The following CLOCK variants were observed in gnomAD, a reference collection of about 807,000 sequenced individuals.
CLOCK encodes the protein clock circadian regulator.
In CLOCK, 43 loss-of-function variants were observed where a neutral mutation model predicts 118.4. That is an observed-to-expected ratio of 0.36 (90% CI 0.28 to 0.47). The LOEUF is 0.47. Ranked by LOEUF, CLOCK falls within the 20% of genes least tolerant of loss-of-function variation. The probability of loss-of-function intolerance (pLI) is 1.00; values close to 1 mark genes in which losing one functional copy is unlikely to be tolerated. For missense variants in CLOCK, 846 were observed against 999.9 expected, an observed-to-expected ratio of 0.85 and a Z score of 2.08; for synonymous variants, 326 against 339.2, an observed-to-expected ratio of 0.96 and a Z score of 0.43.
chr4:55,484,725 A>C (rs995037574), intron 3 of CLOCK, among the ~76,000 whole-genome samples: 6 of 152,184 alleles, frequency 3.9e-5, no homozygotes, highest in African/African-American at 1.4e-4. Flanking sequence ...TTAATTATCA[A>C]AAGGTAGAAA....
Position 55,430,347 on chromosome 4 carries a change from A to G in CLOCK, c.*5068T>C, listed in dbSNP as rs753758944. The G allele has an allele frequency of 4.6e-5, 7 of 152,226 alleles. No individual in the cohort carries two copies. Among genetic ancestry groups the G allele is most frequent in the African/African-American group, 1.7e-4 (7 of 41,454 alleles). 9.4% of individuals were successfully genotyped at this position (152,226 alleles called of 1,614,324 possible). A position where few individuals can be genotyped will look rare whatever the true frequency, so the allele number is the denominator to read the frequency against. ...TAAACACTCACAACAAAACCTGCAG[A>G]GTATTTTATTTAAGAAAAACAAGGA... is the stretch of plus-strand genomic sequence containing the variant. On this transcript the variant is annotated 3_prime_UTR_variant, in exon 23 of 23. Coordinates refer to ENST00000513440, the MANE Select transcript of CLOCK (RefSeq NM_004898.4).
At chr4:55,505,963 A>ACCT (rs1728770519) in intron 2 of CLOCK, among the ~76,000 whole-genome samples, 1 of 151,882 alleles carries the variant, frequency 6.6e-6, no homozygotes, top group Non-Finnish European at 1.5e-5. Flanking sequence ...CTTCAACTAT[A>ACCT]CCTCCTAACA....
At chr4:55,496,633 T>C (rs953273880) in intron 2 of CLOCK, among the ~76,000 whole-genome samples, 1 of 152,196 alleles carries the variant, frequency 6.6e-6, no homozygotes, top group African/African-American at 2.4e-5. Context: ...ACACATATAA[T>C]GCAAATAATG....
At chr4:55,504,646 A>G (rs1728683077) in intron 2 of CLOCK, among the ~76,000 whole-genome samples, 1 of 152,212 alleles carries the variant, frequency 6.6e-6, no homozygotes, top group Admixed American at 6.5e-5. Flanking sequence ...CAGGATCAAT[A>G]AAAACTTAGT....
intron 2 of CLOCK, among the ~76,000 whole-genome samples, chr4:55,498,603 C>CTTAGTATTA (rs1553899408): frequency 3.3e-4 from 49 of 148,684 alleles, no homozygotes; most frequent in African/African-American, 1.2e-3. Context: ...TATCTAGTTC[C>CTTAGTATTA]TTATTATTAT....
chr4:55,456,091 T>C, intron 12 of CLOCK, 88 bp from the exon 13 acceptor site: 1 of 1,227,578 alleles, frequency 8.1e-7, no homozygotes, highest in Non-Finnish European at 1.2e-6. Context: ...GGGGGGGCTT[T>C]ATTTTTCAAA....
At chr4:55,517,026 G>A (rs186045429) in intron 1 of CLOCK, among the ~76,000 whole-genome samples, 145 of 152,012 alleles carry the variant, frequency 9.5e-4, no homozygotes, top group Admixed American at 5.0e-3. Context: ...TTACATAAGC[G>A]CATACATACA....
chr4:55,513,427 CCT>C (rs1176991246), intron 1 of CLOCK, among the ~76,000 whole-genome samples: 2 of 152,114 alleles, frequency 1.3e-5, no homozygotes, highest in Non-Finnish European at 2.9e-5. Flanking sequence ...AGAATGTATC[CCT>C]GTCATTAAGT....
rs1167070721 is a variant in CLOCK at position 55,450,727 on chromosome 4, CCA to C, written c.1207-497_1207-496del. ...GAGGATGTAGTGAGCCGAGATCCTGCCACTGCATTCCAGCCTGGGCAAAAGAG... is the reference window on the plus strand; with the variant it reads ...GAGGATGTAGTGAGCCGAGATCCTGCCTGCATTCCAGCCTGGGCAAAAGAG... On this transcript the variant is annotated intron_variant, in intron 15 of 22. Coordinates refer to ENST00000513440, the MANE Select transcript of CLOCK (RefSeq NM_004898.4). Among the ~76,000 whole-genome samples the C allele has an allele frequency of 5.3e-5, 8 of 151,954 alleles. No individual in the cohort carries two copies. The South Asian group carries it at 1.7e-3, about 32-fold the overall frequency.
At position 55,438,538 on chromosome 4, in the gene CLOCK, C is replaced by A; in HGVS notation, c.2106-1G>T. On this transcript the variant is annotated splice_acceptor_variant, in intron 21 of 22. Transcript: ENST00000513440. LOFTEE classifies it high-confidence loss of function. ...CACAAGTTGTTGACCTTGAGAAAAT[C>A]TGTTAGAAGAAAGAAGGAAAAAAAT... 1 of 1,613,122 alleles carries A rather than the reference C, an allele frequency of 6.2e-7. No homozygotes were observed. The highest frequency in any genetic ancestry group is 8.5e-7 in the Non-Finnish European group (1 of 1,179,964).
At chr4:55,482,908 T>C in intron 3 of CLOCK, 80 bp from the exon 4 acceptor site, 1 of 655,840 alleles carries the variant, frequency 1.5e-6, no homozygotes, top group South Asian at 2.1e-5. Flanking sequence ...AAATACTATA[T>C]GTTATCACAG....
intron 6 of CLOCK, among the ~76,000 whole-genome samples, chr4:55,478,396 C>G (rs1188414774): frequency 2.0e-5 from 3 of 152,098 alleles, no homozygotes; most frequent in Non-Finnish European, 2.9e-5. Flanking sequence ...GTCTCCCTGC[C>G]TCTCTGCTTT....
chr4:55,506,562 T>C (rs1298567394), intron 2 of CLOCK, among the ~76,000 whole-genome samples: 18 of 152,058 alleles, frequency 1.2e-4, no homozygotes, highest in Non-Finnish European at 2.6e-4. Flanking sequence ...ATTTATTTTA[T>C]TTTATATTTT....
intron 1 of CLOCK, among the ~76,000 whole-genome samples, chr4:55,532,799 A>G (rs535796644): frequency 6.6e-6 from 1 of 152,122 alleles, no homozygotes; most frequent in Admixed American, 6.6e-5. Context: ...GTGAGCCATG[A>G]TTGTGCCACT....
At chr4:55,523,067 G>A (rs528088584) in intron 1 of CLOCK, among the ~76,000 whole-genome samples, 74 of 152,220 alleles carry the variant, frequency 4.9e-4, no homozygotes, top group African/African-American at 1.6e-3. Context: ...AGATGGAGGC[G>A]GGCGGATCGC....
chr4:55,448,891 ACTGAAG>A (rs1451668042), intron 17 of CLOCK, 23 bp from the exon 18 acceptor site: 1 of 1,548,552 alleles, frequency 6.5e-7, no homozygotes, highest in Non-Finnish European at 8.9e-7. Context: ...AAAAAATAAC[ACTGAAG>A]TGATTCTCAT....
At chr4:55,504,823 C>G (rs542873993) in intron 2 of CLOCK, among the ~76,000 whole-genome samples, 1 of 152,060 alleles carries the variant, frequency 6.6e-6, no homozygotes, top group Non-Finnish European at 1.5e-5. Flanking sequence ...ATTTCATTAC[C>G]ATATTACTAT....
chr4:55,505,663 CAAAATAA>C (rs1019874114), intron 2 of CLOCK, among the ~76,000 whole-genome samples: 18 of 151,394 alleles, frequency 1.2e-4, no homozygotes, highest in South Asian at 2.1e-4. Context: ...GACCTTGTCT[CAAAATAA>C]AAAATAAAAA....
At chr4:55,462,635 C>T (rs1725426566) in intron 9 of CLOCK, among the ~76,000 whole-genome samples, 1 of 152,172 alleles carries the variant, frequency 6.6e-6, no homozygotes, top group South Asian at 2.1e-4. Context: ...TCAAGCAATC[C>T]ATTCCATCCA....
Sources: allele counts gnomAD v4.1 joint callset (sites outside exome capture counted in the v4.1 genomes callset), GRCh38; gene constraint gnomAD v4.1.1; transcripts MANE v1.5; gene names NCBI Gene and HGNC (gene_info 2026-07-23, HGNC 2026-07-21).